Variants in PLCB4 observed in about 807,000 individuals in gnomAD.
PLCB4 encodes the protein phospholipase C beta 4.
PLCB4 carries 77 observed loss-of-function variants against 178.8 expected under a neutral mutation model. That is an observed-to-expected ratio of 0.43 (90% CI 0.36 to 0.52). The LOEUF (loss-of-function observed/expected upper bound fraction) is 0.52, where lower values mean the gene tolerates loss of function less well. Ranked by LOEUF, PLCB4 falls within the 20% of genes least tolerant of loss-of-function variation. The pLI, the probability that PLCB4 is intolerant of heterozygous loss-of-function variation, is 0.00. For missense variants in PLCB4, 1,024 were observed against 1,453.4 expected (o/e 0.70, Z 4.80); for synonymous variants, 496 against 490.8 (o/e 1.01, Z -0.14).
At chr20:9,071,086 C>T (rs961282679) in intron 1 of PLCB4, among the ~76,000 whole-genome samples, 3 of 152,076 alleles carry the variant, frequency 2.0e-5, no homozygotes, top group Non-Finnish European at 4.4e-5. Flanking sequence ...AATCGTGAGG[C>T]GGTGTGTTTT....
In PLCB4 at chr20:9,225,129, G is replaced by A. The variant is rs2093847584; in HGVS notation, c.-16+7677G>A. Among the ~76,000 whole-genome samples, 3 of 152,206 alleles carry A rather than the reference G, an allele frequency of 2.0e-5. No individual in the cohort carries two copies. In the South Asian group the frequency reaches 6.2e-4, roughly 31 times the overall value. ...GGCTAGATATTCAAAAAAGCTAGTA[G>A]CATAAAGTGTTCATTGTAGAATCTA... is the stretch of plus-strand genomic sequence containing the variant. On this transcript the variant is annotated intron_variant, in intron 3 of 39. Coordinates refer to ENST00000378473, the MANE Select transcript of PLCB4 (RefSeq NM_001377142.1).
At chr20:9,476,847 C>A in intron 39 of PLCB4, 94 bp downstream of exon 39, 1 of 811,540 alleles carries the variant, frequency 1.2e-6, no homozygotes, top group Non-Finnish European at 2.1e-6. Context: ...CACATCTGGT[C>A]ATAACTAATA....
chr20:9,078,300 T>C (rs1239377987), intron 1 of PLCB4, among the ~76,000 whole-genome samples: 1 of 151,932 alleles, frequency 6.6e-6, no homozygotes, highest in African/African-American at 2.4e-5. Flanking sequence ...TTTTTTGAAA[T>C]GATATGTTGA....
intron 2 of PLCB4, among the ~76,000 whole-genome samples, chr20:9,108,467 C>T (rs1209526541): frequency 6.6e-6 from 1 of 151,962 alleles, no homozygotes; most frequent in Non-Finnish European, 1.5e-5. Context: ...ATCAGAGGGG[C>T]TGTCAAAGAA....
chr20:9,131,179 T>C (rs1349401355), intron 2 of PLCB4, among the ~76,000 whole-genome samples: 1 of 152,192 alleles, frequency 6.6e-6, no homozygotes, highest in African/African-American at 2.4e-5. Context: ...TAGTAATCTT[T>C]CGGTACATCT....
intron 3 of PLCB4, among the ~76,000 whole-genome samples, chr20:9,299,580 C>T (rs986964091): frequency 1.1e-4 from 16 of 151,962 alleles, no homozygotes; most frequent in South Asian, 2.1e-4. Context: ...CTTTGCTTCA[C>T]AAGAGTTGTG....
chr20:9,184,810 T>C (rs2093305868), intron 2 of PLCB4, among the ~76,000 whole-genome samples: 1 of 152,224 alleles, frequency 6.6e-6, no homozygotes, highest in Non-Finnish European at 1.5e-5. Context: ...ATTTGTGTAA[T>C]GCTAGCCCTA....
At chr20:9,410,923 A>G (rs1014256505) in intron 24 of PLCB4, 114 bp from the exon 25 acceptor site, 32 of 708,868 alleles carry the variant, frequency 4.5e-5, no homozygotes, top group Non-Finnish European at 7.3e-5. Flanking sequence ...TTGTAGTATT[A>G]AAGAGGGACC....
rs571714232 is a variant in PLCB4 at position 9,446,497 on chromosome 20, C to G, written c.2880+2254C>G. 2.0e-5 allele frequency among the ~76,000 whole-genome samples: 3 copies of G among 152,316 alleles called. No homozygotes were observed. In the South Asian group the frequency reaches 6.2e-4, roughly 32 times the overall value. ...GAGTTGTCCATTAACTCCCTGGAGC[C>G]ATCATGCCCGGCCCAAGCTAACTTC... On this transcript the variant is annotated intron_variant, in intron 32 of 39. Transcript: ENST00000378473.
At chr20:9,130,620 A>G (rs969121516) in intron 2 of PLCB4, among the ~76,000 whole-genome samples, 7 of 152,202 alleles carry the variant, frequency 4.6e-5, no homozygotes, top group African/African-American at 1.7e-4. Flanking sequence ...CATGAAACCC[A>G]TGGATGACGT....
chr20:9,080,551 G>A (rs976076344), intron 1 of PLCB4, among the ~76,000 whole-genome samples: 2 of 152,098 alleles, frequency 1.3e-5, no homozygotes, highest in African/African-American at 4.8e-5. Context: ...CCAAGGGTTT[G>A]GTTGTCCATT....
intron 3 of PLCB4, among the ~76,000 whole-genome samples, chr20:9,242,436 C>T (rs1000754870): frequency 6.6e-6 from 1 of 152,208 alleles, no homozygotes; most frequent in Non-Finnish European, 1.5e-5. Context: ...AAAGGGATGG[C>T]TCCTTTGTCC....
At chr20:9,075,557 G>A (rs561313431) in intron 1 of PLCB4, among the ~76,000 whole-genome samples, 10 of 152,246 alleles carry the variant, frequency 6.6e-5, no homozygotes, top group Non-Finnish European at 1.0e-4. Flanking sequence ...TAATGAGGGT[G>A]TGGTGTACTC....
intron 2 of PLCB4, among the ~76,000 whole-genome samples, chr20:9,159,487 G>A (rs1317839617): frequency 2.6e-5 from 4 of 152,032 alleles, no homozygotes; most frequent in African/African-American, 7.2e-5. Context: ...GTGATAAGAG[G>A]GATCTTCTTA....
chr20:9,151,047 T>G (rs2092682248), intron 2 of PLCB4, among the ~76,000 whole-genome samples: 1 of 152,106 alleles, frequency 6.6e-6, no homozygotes, highest in Admixed American at 6.6e-5. Flanking sequence ...ACAAATACAG[T>G]AGGCCCTCCA....
chr20:9,369,188 C>T (rs1008243105), intron 9 of PLCB4, among the ~76,000 whole-genome samples: 6 of 152,082 alleles, frequency 3.9e-5, no homozygotes, highest in African/African-American at 4.8e-5. Context: ...TCTCCACACC[C>T]GCTGATTTCA....
intron 34 of PLCB4, among the ~76,000 whole-genome samples, chr20:9,459,379 G>A (rs2043253220): frequency 6.6e-6 from 1 of 151,968 alleles, no homozygotes; most frequent in Non-Finnish European, 1.5e-5. Flanking sequence ...ACAAAACAGA[G>A]TGTTGCTAAG....
chr20:9,107,816 G>T (rs992829749), intron 2 of PLCB4, among the ~76,000 whole-genome samples: 8 of 152,254 alleles, frequency 5.3e-5, no homozygotes, highest in Admixed American at 1.3e-4. Context: ...GAGGGAGCAC[G>T]TCCAGAAGAA....
At chr20:9,387,964 C>T (rs972207973) in intron 15 of PLCB4, among the ~76,000 whole-genome samples, 3 of 152,202 alleles carry the variant, frequency 2.0e-5, no homozygotes, top group Admixed American at 6.5e-5. Flanking sequence ...AAAGGCCGGG[C>T]GTGGTGGCTC....
Sources: gnomAD v4.1 joint callset for allele counts (sites outside exome capture counted in the v4.1 genomes callset) on GRCh38, gnomAD v4.1.1 for gene constraint, MANE v1.5 for transcripts, NCBI Gene and HGNC (gene_info 2026-07-23, HGNC 2026-07-21) for gene names.